The following SLC35F3 variants were observed in gnomAD, a reference collection of about 807,000 sequenced individuals.
SLC35F3 encodes putative thiamine transporter SLC35F3.
A neutral mutation model predicts 49.9 loss-of-function variants in SLC35F3; 25 were observed. The observed-to-expected ratio is 0.50, with a 90% CI of 0.37 to 0.70. SLC35F3 has a LOEUF of 0.70. Among genes scored for constraint, SLC35F3 ranks in the 30% least tolerant of loss-of-function variants. SLC35F3 has a pLI of 0.00. For synonymous variants in SLC35F3, 275 were observed against 265.4 expected (o/e 1.04, Z -0.35); for missense variants, 525 against 639.8 (o/e 0.82, Z 1.94).
At chr1:234,303,956 T>G (rs1233330952) in intron 3 of SLC35F3, among the ~76,000 whole-genome samples, 1 of 152,108 alleles carries the variant, frequency 6.6e-6, no homozygotes, top group Admixed American at 6.6e-5. Flanking sequence ...CTTCTGGGGT[T>G]TTTAGTTTGA....
Position 234,047,395 on chromosome 1 carries a change from C to T in SLC35F3, c.283+141637C>T, listed in dbSNP as rs1341357357. On this transcript the variant is annotated intron_variant, in intron 2 of 7. Coordinates refer to ENST00000366618, the MANE Select transcript of SLC35F3 (RefSeq NM_173508.4). ...ATTGCTTTATTCAGTGTGGGTGGAC[C>T]CCATGCAATCAGTTGAAAGCCTGAA... is the stretch of plus-strand genomic sequence containing the variant. Among the ~76,000 whole-genome samples, 5 of 152,034 alleles carry T rather than the reference C, an allele frequency of 3.3e-5. No homozygotes were observed. In the East Asian group the frequency reaches 9.6e-4, roughly 29 times the overall value.
chr1:233,911,832 G>C (rs764812745), intron 2 of SLC35F3, among the ~76,000 whole-genome samples: 1 of 152,148 alleles, frequency 6.6e-6, no homozygotes, highest in Non-Finnish European at 1.5e-5. Context: ...CACCTCCAGG[G>C]AAGTGAAGTC....
chr1:234,132,193 C>G (rs1018647225), intron 2 of SLC35F3, among the ~76,000 whole-genome samples: 22 of 152,224 alleles, frequency 1.4e-4, no homozygotes, highest in African/African-American at 5.3e-4. Flanking sequence ...CCGACCCTCA[C>G]TCTCACTCCC....
chr1:233,920,111 TG>T (rs1417329501), intron 2 of SLC35F3, among the ~76,000 whole-genome samples: 1 of 152,242 alleles, frequency 6.6e-6, no homozygotes, highest in Non-Finnish European at 1.5e-5. Context: ...GAGATAATAC[TG>T]CTTTTGTCTC....
intron 2 of SLC35F3, among the ~76,000 whole-genome samples, chr1:234,011,190 A>AT (rs1663715563): frequency 6.6e-6 from 1 of 152,190 alleles, no homozygotes; most frequent in South Asian, 2.1e-4. Context: ...TATTTATCAA[A>AT]TTTTTTGTGA....
intron 3 of SLC35F3, among the ~76,000 whole-genome samples, chr1:234,249,325 C>T (rs919935281): frequency 4.6e-5 from 7 of 152,290 alleles, no homozygotes; most frequent in Middle Eastern, 3.4e-3. Flanking sequence ...CTATCCCATA[C>T]GGAAGCTTCC....
intron 2 of SLC35F3, among the ~76,000 whole-genome samples, chr1:234,008,511 G>A (rs967780914): frequency 3.3e-5 from 5 of 152,036 alleles, no homozygotes; most frequent in Admixed American, 6.6e-5. Flanking sequence ...ATTTGTTTAC[G>A]AAGACTGCTA....
chr1:233,988,247 T>C (rs1312824359), intron 2 of SLC35F3, among the ~76,000 whole-genome samples: 1 of 152,226 alleles, frequency 6.6e-6, no homozygotes, highest in African/African-American at 2.4e-5. Flanking sequence ...CTCTTGTGTT[T>C]CTCCAGAAAG....
intron 2 of SLC35F3, among the ~76,000 whole-genome samples, chr1:234,098,189 TTGG>T (rs962834079): frequency 1.1e-4 from 16 of 144,784 alleles, no homozygotes; most frequent in South Asian, 4.5e-4. Flanking sequence ...GGTGACTGTG[TTGG>T]TGGTGACAGT....
chr1:234,066,830 C>CCACACACA (rs61401819), intron 2 of SLC35F3, among the ~76,000 whole-genome samples: 101 of 135,208 alleles, frequency 7.5e-4, no homozygotes, highest in African/African-American at 2.7e-3. Flanking sequence ...CCTCTCTCTC[C>CCACACACA]CACACACACA....
At chr1:234,248,179 A>G (rs1218761636) in intron 3 of SLC35F3, among the ~76,000 whole-genome samples, 5 of 135,796 alleles carry the variant, frequency 3.7e-5, no homozygotes, top group Non-Finnish European at 4.8e-5. Flanking sequence ...CCATTGTTTG[A>G]TGGGTCAGTT....
chr1:234,085,199 A>G (rs1480570069), intron 2 of SLC35F3, among the ~76,000 whole-genome samples: 1 of 152,170 alleles, frequency 6.6e-6, no homozygotes, highest in African/African-American at 2.4e-5. Context: ...GCTTATACTG[A>G]AGGTATGTCT....
At chr1:234,050,601 G>C (rs1664361847) in intron 2 of SLC35F3, among the ~76,000 whole-genome samples, 1 of 152,168 alleles carries the variant, frequency 6.6e-6, no homozygotes, top group South Asian at 2.1e-4. Flanking sequence ...TGTTCACTCT[G>C]ATGGTAGTTT....
Position 234,231,469 on chromosome 1 carries a change from C to G in SLC35F3, c.336C>G (p.Ala112=). The G allele has an allele frequency of 7.4e-6, 12 of 1,611,016 alleles. No individual in the cohort carries two copies. Among genetic ancestry groups the G allele is most frequent in the Non-Finnish European group, 1.0e-5 (12 of 1,178,432 alleles). ...GCCCGGCGGAGGCCCAGGCACCGGC[C>G]GGGGTGGAGGCCGGCGGGAGAGCGA... ...SPGPAEAQAP[A]GVEAGGRASR... Residue 112 remains alanine (A), a synonymous_variant, in exon 3 of 8, where the codon GCC becomes GCG. Transcript: ENST00000366618. This position sits in a 1 kb window ranked among gnomAD's most constrained non-coding sequence, Gnocchi z 5.4.
chr1:233,949,365 A>G (rs1662566957), intron 2 of SLC35F3, among the ~76,000 whole-genome samples: 1 of 152,228 alleles, frequency 6.6e-6, no homozygotes, highest in Non-Finnish European at 1.5e-5. Context: ...AGATAAGGCA[A>G]GTACTTTAAA....
intron 2 of SLC35F3, among the ~76,000 whole-genome samples, chr1:234,003,236 T>C (rs1663579993): frequency 6.6e-6 from 1 of 151,076 alleles, no homozygotes; most frequent in African/African-American, 2.4e-5. Flanking sequence ...TGAAATATTT[T>C]GCTTCTAGGG....
chr1:234,315,898 T>A (rs1217885504), intron 4 of SLC35F3, among the ~76,000 whole-genome samples: 4 of 152,222 alleles, frequency 2.6e-5, no homozygotes, highest in African/African-American at 9.7e-5. Context: ...TCTGGCAATT[T>A]CACTTTCCAT....
chr1:233,919,664 T>G (rs1382851080), intron 2 of SLC35F3, among the ~76,000 whole-genome samples: 1 of 152,178 alleles, frequency 6.6e-6, no homozygotes, highest in Non-Finnish European at 1.5e-5. Context: ...GTGTACTTGG[T>G]CTTCTGAATG....
intron 2 of SLC35F3, among the ~76,000 whole-genome samples, chr1:233,987,149 G>T (rs1194799059): frequency 1.3e-5 from 2 of 152,078 alleles, no homozygotes; most frequent in East Asian, 3.9e-4. Flanking sequence ...AATTAGCCAG[G>T]CGTGGTGGCA....
Sources: allele counts gnomAD v4.1 joint callset (sites outside exome capture counted in the v4.1 genomes callset), GRCh38; gene constraint gnomAD v4.1.1; non-coding constraint Gnocchi (gnomAD v3.1); transcripts MANE v1.5; gene names NCBI Gene and HGNC (gene_info 2026-07-23, HGNC 2026-07-21).